The following ANK1 variants were observed in gnomAD, a reference collection of about 807,000 sequenced individuals.
ANK1 encodes ankyrin 1.
A neutral mutation model predicts 210.4 loss-of-function variants in ANK1; 51 were observed. That is an observed-to-expected ratio of 0.24 (90% CI 0.19 to 0.31). The LOEUF (loss-of-function observed/expected upper bound fraction) is 0.31. ANK1 is among the 10% of genes least tolerant of loss of function. The probability of loss-of-function intolerance (pLI) is 1.00; values close to 1 mark genes in which losing one functional copy is unlikely to be tolerated. For synonymous variants in ANK1, 967 were observed against 1,025.9 expected (o/e 0.94, Z 1.10); for missense variants, 2,051 against 2,504.4 (o/e 0.82, Z 3.86).
chr8:41,691,930 C>T (rs562046032), intron 31 of ANK1, among the ~76,000 whole-genome samples: 1 of 152,346 alleles, frequency 6.6e-6, no homozygotes, highest in African/African-American at 2.4e-5. Context: ...GGGCTCAAAG[C>T]GATCCTCCTG....
Position 41,702,145 on chromosome 8 carries a change from C to T in ANK1, c.2296-1G>A. On this transcript the variant is annotated splice_acceptor_variant, in intron 20 of 42. Coordinates refer to ENST00000289734, the MANE Select transcript of ANK1 (RefSeq NM_000037.4). LOFTEE classifies it high-confidence loss of function. ...CTATGGCCAGAGGTGTGGTTCCATC[C>T]TGGGGAAAGAGCAGCCCGGGTGCAG... is the stretch of plus-strand genomic sequence containing the variant. The T allele has an allele frequency of 6.2e-7, 1 of 1,613,900 alleles. No homozygotes were observed. The highest frequency in any genetic ancestry group is 8.5e-7 in the Non-Finnish European group (1 of 1,179,862).
At chr8:41,673,065 C>T (rs1310909961) in intron 37 of ANK1, among the ~76,000 whole-genome samples, 153 bp from the exon 38 acceptor site, 1 of 152,174 alleles carries the variant, frequency 6.6e-6, no homozygotes, top group Non-Finnish European at 1.5e-5. Flanking sequence ...TTCCAAGCTC[C>T]AGGCCCAATG....
At chr8:41,727,205 C>G (rs745618642) in intron 5 of ANK1, 45 bp downstream of exon 5, 1 of 1,501,260 alleles carries the variant, frequency 6.7e-7, no homozygotes, top group South Asian at 1.1e-5. Flanking sequence ...AGGTTGTACA[C>G]CTGGGAGACT....
rs763085301 is a variant in ANK1, at chr8:41,701,587, C to T, written c.2424G>A (p.Glu808=). Residue 808 remains glutamate, a synonymous_variant, in exon 22 of 43, where the codon GAG becomes GAA. Coordinates refer to ENST00000289734, the MANE Select transcript of ANK1 (RefSeq NM_000037.4). The stretch of plus-strand genomic sequence containing the variant: ...AGACATCCAGGATCTCATCAACTGT[C>T]TCAGGGAAACTCATTCGATGCTTAT... The part of the protein sequence containing the change: ...VSDKHRMSFP[E]TVDEILDVSE... 13 of 1,614,056 alleles carry T rather than the reference C, an allele frequency of 8.1e-6. No homozygotes were observed. The highest frequency in any genetic ancestry group is 1.3e-5 in the African/African-American group (1 of 74,918).
chr8:41,839,212 T>G (rs907050164), intron 1 of ANK1, among the ~76,000 whole-genome samples: 2 of 152,240 alleles, frequency 1.3e-5, no homozygotes, highest in African/African-American at 4.8e-5. Flanking sequence ...TGCTTTTATA[T>G]AATAATGATG....
intron 1 of ANK1, among the ~76,000 whole-genome samples, chr8:41,869,114 G>A (rs1009171811): frequency 5.9e-5 from 9 of 152,208 alleles, no homozygotes; most frequent in Non-Finnish European, 1.2e-4. Flanking sequence ...TCTGGGCTAA[G>A]AAAGGAGGAA....
At chr8:41,795,905 G>A (rs1418651481) in intron 1 of ANK1, among the ~76,000 whole-genome samples, 1 of 152,206 alleles carries the variant, frequency 6.6e-6, no homozygotes, top group East Asian at 1.9e-4. Context: ...TACCAGAAGA[G>A]AGGACTTGTA....
At chr8:41,700,540 C>T in intron 22 of ANK1, 9 of 1,374,056 alleles carry the variant, frequency 6.5e-6, no homozygotes, top group Non-Finnish European at 9.3e-6. Flanking sequence ...AAAGGAGCAC[C>T]AGAAGCTCTG....
chr8:41,822,120 AAG>A (rs11323389), intron 1 of ANK1, among the ~76,000 whole-genome samples: 25 of 30,524 alleles, frequency 8.2e-4, no homozygotes, highest in African/African-American at 1.9e-3. Context: ...GAGAGAAAGA[AAG>A]AGAAAGAAAG....
At position 41,692,876 on chromosome 8, in the gene ANK1, C is replaced by T. The variant is rs1819662239; in HGVS notation, c.3630G>A (p.Arg1210=). The change falls in exon 31 of 43, where the codon AGG becomes AGA. Residue 1210 remains arginine, a splice_region_variant and synonymous_variant. Transcript: ENST00000289734. The part of the protein sequence containing the change: ...CANFTTNVSA[R]FWLSDCPRTA... ...TCCGAGGACAGTCCGACAGCCAAAACCTAAAAAGTAGGGCGAGTTATGTGT... is the reference window on the plus strand; with the variant it reads ...TCCGAGGACAGTCCGACAGCCAAAATCTAAAAAGTAGGGCGAGTTATGTGT... The T allele has an allele frequency of 6.2e-7, 1 of 1,613,666 alleles. No homozygotes were observed. The highest frequency in any genetic ancestry group is 1.1e-5 in the South Asian group (1 of 91,060).
Position 41,723,525 on chromosome 8 carries a change from TG to T in ANK1, c.810+9del, listed in dbSNP as rs771327968. The T allele has an allele frequency of 6.8e-6, 11 of 1,614,008 alleles. No homozygotes were observed. The highest frequency in any genetic ancestry group is 9.3e-6 in the Non-Finnish European group (11 of 1,179,956). On this transcript the variant is annotated intron_variant, in intron 8 of 42. Coordinates refer to ENST00000289734, the MANE Select transcript of ANK1 (RefSeq NM_000037.4). ...CCCCCTGCCTGGCTACAGCACCTGCTGGCACCCACCTTGGTCTTGGTTTCTA... is the reference window on the plus strand; with the variant it reads ...CCCCCTGCCTGGCTACAGCACCTGCTGCACCCACCTTGGTCTTGGTTTCTA...
intron 35 of ANK1, 74 bp downstream of exon 35, chr8:41,688,082 T>C: frequency 6.7e-7 from 1 of 1,502,080 alleles, no homozygotes; most frequent in Non-Finnish European, 9.3e-7. Context: ...AAATGCCTCA[T>C]TCATTGCTCA....
intron 1 of ANK1, among the ~76,000 whole-genome samples, chr8:41,793,315 G>C (rs1444977375): frequency 6.6e-6 from 1 of 152,206 alleles, no homozygotes; most frequent in Non-Finnish European, 1.5e-5. Context: ...AGGAGTTGGA[G>C]GCTGCAGTGA....
At chr8:41,709,027 A>G in intron 16 of ANK1, 52 bp from the exon 17 acceptor site, 1 of 1,607,502 alleles carries the variant, frequency 6.2e-7, no homozygotes, top group South Asian at 1.1e-5. Flanking sequence ...CTGAGCTGAC[A>G]ATATCAACAC....
exon 1 of ANK1, chr8:41,896,637 G>A (rs1820573502): frequency 9.4e-7 from 1 of 1,064,228 alleles, no homozygotes; most frequent in South Asian, 2.9e-5. Flanking sequence ...TCGCGGGAAG[G>A]CGAAGGCAGT....
At chr8:41,668,593 C>T (rs369098416) in intron 38 of ANK1, 29 bp from the exon 39 acceptor site, 126 of 1,602,178 alleles carry the variant, frequency 7.9e-5, no homozygotes, top group African/African-American at 1.1e-4. Context: ...AGCAGATGGC[C>T]GGCCGGGGAG....
intron 2 of ANK1, among the ~76,000 whole-genome samples, chr8:41,740,653 C>CTGTA (rs1834558784): frequency 6.6e-6 from 1 of 152,206 alleles, no homozygotes. Context: ...TGGTGTATCT[C>CTGTA]TGTATGCGTG....
At chr8:41,895,095 T>C (rs1820218636) in intron 1 of ANK1, among the ~76,000 whole-genome samples, 1 of 152,186 alleles carries the variant, frequency 6.6e-6, no homozygotes. Context: ...GCTGACCAAC[T>C]GTCAAGGGGT....
At position 41,724,443 on chromosome 8, in the gene ANK1, G is replaced by A. The variant is rs763737257; in HGVS notation, c.711+13C>T. Reference sequence around the variant, plus strand: ...GCCCCCGGACAGTGAGGGCGCACGTGCCCCAGGGTTACCTGTGGTGTGAAA... The same window carrying A: ...GCCCCCGGACAGTGAGGGCGCACGTACCCCAGGGTTACCTGTGGTGTGAAA... On this transcript the variant is annotated intron_variant, in intron 7 of 42. Transcript: ENST00000289734. The A allele has an allele frequency of 4.7e-5, 74 of 1,558,740 alleles. 2 individuals are homozygous for A. In the South Asian group the frequency reaches 8.0e-4, roughly 17 times the overall value.
Sources: allele counts gnomAD v4.1 joint callset (sites outside exome capture counted in the v4.1 genomes callset), GRCh38; gene constraint gnomAD v4.1.1; transcripts MANE v1.5; gene names NCBI Gene and HGNC (gene_info 2026-07-23, HGNC 2026-07-21).